The following RNF185 variants were observed in gnomAD, a reference collection of about 807,000 sequenced individuals.
RNF185 encodes ring finger protein 185.
RNF185 carries 13 observed loss-of-function variants against 24.9 expected under a neutral mutation model. The observed-to-expected ratio is 0.52, with a 90% CI of 0.34 to 0.83. RNF185 has a LOEUF of 0.83. Ranked by LOEUF, RNF185 falls within the 40% of genes least tolerant of loss-of-function variation. RNF185 has a pLI of 0.01. For missense variants in RNF185, 184 were observed against 244.7 expected (o/e 0.75, Z 1.65); for synonymous variants, 79 against 90.3 (o/e 0.88, Z 0.71).
At chr22:31,192,587 C>A in intron 2 of RNF185, 97 bp from the exon 3 acceptor site, 1 of 1,013,390 alleles carries the variant, frequency 9.9e-7, no homozygotes, top group Non-Finnish European at 1.6e-6. Context: ...GCTACTACCA[C>A]TCCACCCATC....
intron 1 of RNF185, among the ~76,000 whole-genome samples, chr22:31,163,114 T>C (rs1318783094): frequency 6.6e-6 from 1 of 152,144 alleles, no homozygotes; most frequent in Non-Finnish European, 1.5e-5. Context: ...TAATATTACA[T>C]AGGTGACAAT....
At chr22:31,202,197 A>G (rs2048269725) in intron 6 of RNF185, among the ~76,000 whole-genome samples, 2 of 152,058 alleles carry the variant, frequency 1.3e-5, no homozygotes, top group Non-Finnish European at 2.9e-5. Context: ...ACTGCTTGAA[A>G]GTGCCATCCG....
Position 31,187,273 on chromosome 22 carries a change from C to A in RNF185, c.176+3C>A. 1 of 1,613,820 alleles carries A rather than the reference C, an allele frequency of 6.2e-7. No individual in the cohort carries two copies. On this transcript the variant is annotated splice_donor_region_variant and intron_variant, in intron 2 of 6. Transcript: ENST00000326132. Reference sequence around the variant, plus strand: ...AGCCTGTGTGGCCACCTCTTCTGGTCAGTACCCCTACTTCCACCCCAGAGA... The same window carrying A: ...AGCCTGTGTGGCCACCTCTTCTGGTAAGTACCCCTACTTCCACCCCAGAGA...
At chr22:31,182,056 T>TA (rs200392556) in intron 1 of RNF185, among the ~76,000 whole-genome samples, 11,707 of 140,614 alleles carry the variant, frequency 0.083, 756 homozygotes, top group East Asian at 0.39. Context: ...AGGTTTTGTT[T>TA]AAAAAAAAAA....
chr22:31,199,370 C>G (rs1322391788), intron 5 of RNF185, among the ~76,000 whole-genome samples: 2 of 152,122 alleles, frequency 1.3e-5, no homozygotes, highest in African/African-American at 4.8e-5. Flanking sequence ...TGCTCTTGAC[C>G]ACCAGGTGAC....
At chr22:31,197,447 G>T (rs575234835) in intron 5 of RNF185, among the ~76,000 whole-genome samples, 4 of 152,216 alleles carry the variant, frequency 2.6e-5, no homozygotes, top group Non-Finnish European at 4.4e-5. Flanking sequence ...TTAGCATTTA[G>T]TTGTGTGGAT....
chr22:31,160,610 T>A (rs1163587528), intron 1 of RNF185, among the ~76,000 whole-genome samples: 8 of 152,032 alleles, frequency 5.3e-5, no homozygotes, highest in Admixed American at 5.2e-4. Context: ...CATCTGGGAG[T>A]GCATTTCACG....
intron 1 of RNF185, among the ~76,000 whole-genome samples, chr22:31,170,311 C>T (rs904620864): frequency 6.6e-6 from 1 of 152,066 alleles, no homozygotes; most frequent in South Asian, 2.1e-4. Flanking sequence ...GCCTCAGCCC[C>T]CCGAGTAGCT....
intron 1 of RNF185, among the ~76,000 whole-genome samples, chr22:31,184,743 G>T (rs973432953): frequency 6.6e-6 from 1 of 152,134 alleles, no homozygotes; most frequent in Non-Finnish European, 1.5e-5. Context: ...GCAAAACCCC[G>T]TCTCCACCAA....
At chr22:31,199,465 C>T (rs1054593955) in intron 5 of RNF185, among the ~76,000 whole-genome samples, 1 of 152,184 alleles carries the variant, frequency 6.6e-6, no homozygotes, top group Non-Finnish European at 1.5e-5. Context: ...AGCCAGAGGC[C>T]CTGGCCTTGT....
At chr22:31,163,358 C>T (rs571334073) in intron 1 of RNF185, among the ~76,000 whole-genome samples, 16 of 151,592 alleles carry the variant, frequency 1.1e-4, no homozygotes, top group South Asian at 2.1e-4. Context: ...GACAGTGACT[C>T]GCTCTGTTGC....
chr22:31,183,500 G>A (rs952301760), intron 1 of RNF185, among the ~76,000 whole-genome samples: 6 of 152,024 alleles, frequency 3.9e-5, no homozygotes, highest in Admixed American at 3.3e-4. Context: ...GTGAACAAAG[G>A]TCTCTGGTTT....
intron 1 of RNF185, among the ~76,000 whole-genome samples, chr22:31,180,924 T>TGTGTGC (rs2048030066): frequency 7.9e-6 from 1 of 126,480 alleles, no homozygotes; most frequent in African/African-American, 3.0e-5. Flanking sequence ...TCTGTGTGTG[T>TGTGTGC]GTGTGTGTGT....
chr22:31,172,824 A>G (rs1024961620), intron 1 of RNF185, among the ~76,000 whole-genome samples: 1 of 151,522 alleles, frequency 6.6e-6, no homozygotes, highest in South Asian at 2.1e-4. Flanking sequence ...TGGAACAATT[A>G]TTCCCCATTT....
At chr22:31,165,752 A>C (rs1455498724) in intron 1 of RNF185, among the ~76,000 whole-genome samples, 2 of 152,166 alleles carry the variant, frequency 1.3e-5, no homozygotes, top group African/African-American at 4.8e-5. Flanking sequence ...TGATAAGACT[A>C]GTCAGGGAGC....
At chr22:31,200,700 G>A (rs2048253516) in intron 5 of RNF185, among the ~76,000 whole-genome samples, 1 of 152,190 alleles carries the variant, frequency 6.6e-6, no homozygotes, top group Non-Finnish European at 1.5e-5. Flanking sequence ...TTATTTCAGA[G>A]GTAAAGTGGA....
intron 3 of RNF185, among the ~76,000 whole-genome samples, chr22:31,194,461 G>A (rs1249144182): frequency 6.6e-6 from 1 of 152,076 alleles, no homozygotes; most frequent in South Asian, 2.1e-4. Flanking sequence ...CGGGCGCGGT[G>A]GCTCATGCCT....
At chr22:31,200,918 AC>A (rs530849294) in intron 5 of RNF185, among the ~76,000 whole-genome samples, 18 of 152,256 alleles carry the variant, frequency 1.2e-4, no homozygotes, top group Admixed American at 2.6e-4. Context: ...TGTAGTTGTG[AC>A]CACAGTGTTC....
chr22:31,162,022 C>T (rs1923611019), intron 1 of RNF185, among the ~76,000 whole-genome samples: 2 of 152,060 alleles, frequency 1.3e-5, no homozygotes, highest in Non-Finnish European at 2.9e-5. Flanking sequence ...TGTGCCTGGC[C>T]TCTAGCATAC....
Sources: allele counts gnomAD v4.1 joint callset (sites outside exome capture counted in the v4.1 genomes callset), GRCh38; gene constraint gnomAD v4.1.1; transcripts MANE v1.5; gene names NCBI Gene and HGNC (gene_info 2026-07-23, HGNC 2026-07-21).